Variants in SPRED2 observed in about 807,000 individuals in gnomAD.
The protein encoded by SPRED2 is sprouty-related, EVH1 domain-containing protein 2.
A neutral mutation model predicts 43.0 loss-of-function variants in SPRED2; 47 were observed. The observed-to-expected ratio is 1.09, with a 90% CI of 0.87 to 1.40. SPRED2 has a LOEUF of 1.40. Among genes scored for constraint, SPRED2 ranks in the 40% most tolerant of loss-of-function variants. SPRED2 has a pLI of 0.00. For missense variants in SPRED2, 561 were observed against 586.4 expected (o/e 0.96, Z 0.45); for synonymous variants, 225 against 225.7 (o/e 1.00, Z 0.03).
At chr2:65,417,899 C>T (rs183605072) in intron 1 of SPRED2, among the ~76,000 whole-genome samples, 84 of 152,320 alleles carry the variant, frequency 5.5e-4, no homozygotes, top group Admixed American at 1.9e-3. Context: ...TGAGAAGTAA[C>T]AATACTGAAA....
intron 1 of SPRED2, among the ~76,000 whole-genome samples, chr2:65,392,223 A>G (rs1675656747): frequency 1.5e-5 from 2 of 129,234 alleles, no homozygotes; most frequent in African/African-American, 6.0e-5. Context: ...TCTGTCACCT[A>G]CACTGGAGTG....
chr2:65,374,262 C>G (rs1675189583), intron 1 of SPRED2: 1 of 152,180 alleles, frequency 6.6e-6, no homozygotes, highest in Admixed American at 6.5e-5. Flanking sequence ...AACTACAGAA[C>G]TAGAAGAGCT....
At chr2:65,409,436 T>G (rs544474290) in intron 1 of SPRED2, among the ~76,000 whole-genome samples, 24 of 152,312 alleles carry the variant, frequency 1.6e-4, no homozygotes, top group African/African-American at 5.8e-4. Context: ...TTCTATTTAC[T>G]TTTTTAACAC....
chr2:65,381,985 C>T (rs540332830), intron 1 of SPRED2, among the ~76,000 whole-genome samples: 6 of 152,292 alleles, frequency 3.9e-5, no homozygotes, highest in African/African-American at 1.4e-4. Flanking sequence ...GTTTCACATC[C>T]ACCTTGTGTT....
chr2:65,370,301 A>C (rs1675093103), intron 1 of SPRED2, among the ~76,000 whole-genome samples: 1 of 148,516 alleles, frequency 6.7e-6, no homozygotes, highest in African/African-American at 2.5e-5. Flanking sequence ...GGCCACATAC[A>C]GAACACTCAT....
chr2:65,333,454 T>C (rs1237111004), intron 3 of SPRED2, among the ~76,000 whole-genome samples: 1 of 151,826 alleles, frequency 6.6e-6, no homozygotes, highest in East Asian at 1.9e-4. Flanking sequence ...ATTACTCCAA[T>C]CAACCAATGT....
intron 1 of SPRED2, among the ~76,000 whole-genome samples, chr2:65,413,147 T>C (rs942711212): frequency 2.6e-5 from 4 of 152,192 alleles, no homozygotes; most frequent in Admixed American, 6.5e-5. Context: ...GAGGACCTTC[T>C]TTTTTGCCTA....
rs958169520 is a variant in SPRED2, at chr2:65,381,510, G to T, written c.27-36614C>A. On this transcript the variant is annotated intron_variant, in intron 1 of 5. Coordinates refer to ENST00000356388, the MANE Select transcript of SPRED2 (RefSeq NM_181784.3). ...AAGAGTATCTCCTCTGGGGCATCTT[G>T]GGGTTTGTTATGCTAGTTAGCTGCA... Among the ~76,000 whole-genome samples the T allele has an allele frequency of 2.6e-5, 4 of 152,200 alleles. No homozygotes were observed. In the East Asian group the frequency reaches 7.7e-4, roughly 29 times the overall value.
At chr2:65,358,859 GA>G (rs1674728131) in intron 1 of SPRED2, among the ~76,000 whole-genome samples, 1 of 152,196 alleles carries the variant, frequency 6.6e-6, no homozygotes, top group Non-Finnish European at 1.5e-5. Flanking sequence ...CCCACTGCCA[GA>G]AAGGCCAGTT....
At chr2:65,428,089 T>C (rs993611944) in intron 1 of SPRED2, among the ~76,000 whole-genome samples, 1 of 152,206 alleles carries the variant, frequency 6.6e-6, no homozygotes, top group Non-Finnish European at 1.5e-5. Flanking sequence ...TAAATGGGGG[T>C]AATACCTTCT....
chr2:65,323,238 GC>G (rs1302686374), intron 4 of SPRED2, among the ~76,000 whole-genome samples: 1 of 151,818 alleles, frequency 6.6e-6, no homozygotes, highest in African/African-American at 2.4e-5. Context: ...CAGGTGATCC[GC>G]CCACCTCAGC....
intron 1 of SPRED2, among the ~76,000 whole-genome samples, chr2:65,346,504 C>CT (rs1391826342): frequency 6.6e-6 from 1 of 152,134 alleles, no homozygotes. Context: ...ATGAAAAACA[C>CT]TAACTCCCCC....
At chr2:65,339,672 C>G (rs1344110335) in intron 2 of SPRED2, among the ~76,000 whole-genome samples, 1 of 149,734 alleles carries the variant, frequency 6.7e-6, no homozygotes. Flanking sequence ...GCCAAATCCC[C>G]CTCTGTGAGA....
Position 65,313,462 on chromosome 2 carries a change from C to T in SPRED2, c.*39G>A. ...GAGAGTATGTAAGAGACGAGTTCCCCTGTGGCTGCGGATGGAGGGAGAAGG... is the reference window on the plus strand; with the variant it reads ...GAGAGTATGTAAGAGACGAGTTCCCTTGTGGCTGCGGATGGAGGGAGAAGG... On this transcript the variant is annotated 3_prime_UTR_variant, in exon 6 of 6. Transcript: ENST00000356388. The T allele has an allele frequency of 1.9e-6, 3 of 1,565,972 alleles. No individual in the cohort carries two copies. Among genetic ancestry groups the T allele is most frequent in the African/African-American group, 1.4e-5 (1 of 73,836 alleles).
chr2:65,382,304 G>A (rs915520483), intron 1 of SPRED2, among the ~76,000 whole-genome samples: 12 of 150,784 alleles, frequency 8.0e-5, no homozygotes, highest in African/African-American at 1.5e-4. Flanking sequence ...AGAAGGCTAC[G>A]AAGAAGAAGA....
chr2:65,414,188 C>A (rs1572902240), intron 1 of SPRED2, among the ~76,000 whole-genome samples: 1 of 152,204 alleles, frequency 6.6e-6, no homozygotes, highest in Admixed American at 6.5e-5. Flanking sequence ...ACAGCACATA[C>A]TCATTCTCAA....
Position 65,313,861 on chromosome 2 carries a change from C to T in SPRED2, c.897G>A (p.Arg299=), listed in dbSNP as rs1673148982. ...KTQPSRGKSR[R]RKEDGERSRC... ...GCGAGCGCTCTCCGTCCTCCTTCCG[C>T]CGCCGCGACTTGCCCCGGGAGGGCT... The change falls in exon 6 of 6, where the codon CGG becomes CGA. Residue 299 remains arginine (R), a synonymous_variant. Coordinates refer to ENST00000356388, the MANE Select transcript of SPRED2 (RefSeq NM_181784.3). 6.2e-7 allele frequency: 1 copy of T among 1,611,002 alleles called. No individual in the cohort carries two copies. Among genetic ancestry groups the T allele is most frequent in the Non-Finnish European group, 8.5e-7 (1 of 1,179,820 alleles).
Position 65,426,371 on chromosome 2 carries a change from C to G in SPRED2, c.26+5591G>C, listed in dbSNP as rs148047710. ...ATTAGTCAGTAGGGATGAAACAGCA[C>G]TTTAAAATAATTAAATCCATTATTT... On this transcript the variant is annotated intron_variant, in intron 1 of 5. Transcript: ENST00000356388. Among the ~76,000 whole-genome samples, 49 of 152,264 alleles carry G rather than the reference C, an allele frequency of 3.2e-4. 2 individuals are homozygous for G. In the East Asian group the frequency reaches 9.1e-3, roughly 28 times the overall value.
At chr2:65,359,209 T>C (rs1674738006) in intron 1 of SPRED2, among the ~76,000 whole-genome samples, 1 of 152,210 alleles carries the variant, frequency 6.6e-6, no homozygotes, top group African/African-American at 2.4e-5. Context: ...GGATTTGTCC[T>C]ACAAGCGCAA....
Sources: gnomAD v4.1 joint callset for allele counts (sites outside exome capture counted in the v4.1 genomes callset) on GRCh38, gnomAD v4.1.1 for gene constraint, MANE v1.5 for transcripts, NCBI Gene and HGNC (gene_info 2026-07-23, HGNC 2026-07-21) for gene names.